The following PXDNL variants were observed in gnomAD, a reference collection of about 807,000 sequenced individuals.
PXDNL encodes peroxidasin like.
A neutral mutation model predicts 150.8 loss-of-function variants in PXDNL; 145 were observed. The ratio of observed to expected loss-of-function variants is 0.96; its 90% CI spans 0.84 to 1.10. PXDNL has a LOEUF of 1.10. Ranked by LOEUF, PXDNL falls within the 50% of genes least tolerant of loss-of-function variation. The pLI is 0.00. For missense variants in PXDNL, 2,087 were observed against 1,873.9 expected (o/e 1.11, Z -2.10); for synonymous variants, 757 against 725.7 (o/e 1.04, Z -0.69).
At chr8:51,687,805 G>A (rs1815909267) in intron 1 of PXDNL, among the ~76,000 whole-genome samples, 1 of 152,216 alleles carries the variant, frequency 6.6e-6, no homozygotes, top group Non-Finnish European at 1.5e-5. Flanking sequence ...TTCCATGGGA[G>A]TGGAGGGAAA....
At chr8:51,396,681 G>A (rs934668117) in intron 17 of PXDNL, among the ~76,000 whole-genome samples, 3 of 152,142 alleles carry the variant, frequency 2.0e-5, no homozygotes, top group South Asian at 2.1e-4. Context: ...ACGCTTGAAC[G>A]TGGGAGGCAA....
chr8:51,652,407 ACTGT>A (rs1815059083), intron 2 of PXDNL, among the ~76,000 whole-genome samples: 1 of 126,758 alleles, frequency 7.9e-6, no homozygotes, highest in Admixed American at 7.9e-5. Flanking sequence ...TCTCTCTCTT[ACTGT>A]CTGTCTCTCT....
intron 8 of PXDNL, among the ~76,000 whole-genome samples, chr8:51,460,535 C>T (rs1810052063): frequency 6.8e-6 from 1 of 147,864 alleles, no homozygotes; most frequent in Non-Finnish European, 1.5e-5. Context: ...AGGGAAAACA[C>T]TGAGAGTTGC....
At chr8:51,778,243 GCACC>G (rs1300167596) in intron 1 of PXDNL, among the ~76,000 whole-genome samples, 2 of 150,766 alleles carry the variant, frequency 1.3e-5, no homozygotes, top group Non-Finnish European at 2.9e-5. Flanking sequence ...CGCGCCACTT[GCACC>G]CCAGCCTGGG....
At chr8:51,501,210 G>A (rs1387153530) in intron 4 of PXDNL, among the ~76,000 whole-genome samples, 1 of 152,074 alleles carries the variant, frequency 6.6e-6, no homozygotes, top group East Asian at 1.9e-4. Flanking sequence ...TATAAGACCT[G>A]GCAATAATTG....
intron 2 of PXDNL, among the ~76,000 whole-genome samples, chr8:51,651,312 G>A (rs899831617): frequency 2.6e-5 from 4 of 152,104 alleles, no homozygotes; most frequent in Non-Finnish European, 5.9e-5. Flanking sequence ...ACGTGAATGT[G>A]GCAAAATGTT....
chr8:51,431,547 C>G (rs1809248213), intron 12 of PXDNL, among the ~76,000 whole-genome samples: 1 of 152,174 alleles, frequency 6.6e-6, no homozygotes, highest in Non-Finnish European at 1.5e-5. Flanking sequence ...ATTTGATTCT[C>G]TCCTTCTGGG....
chr8:51,615,665 T>C (rs1448211420), intron 2 of PXDNL, among the ~76,000 whole-genome samples: 1 of 152,188 alleles, frequency 6.6e-6, no homozygotes, highest in Non-Finnish European at 1.5e-5. Context: ...AAAGCTTCAA[T>C]CACTGGCAGG....
chr8:51,792,130 CT>C (rs1414899732), intron 1 of PXDNL, among the ~76,000 whole-genome samples: 1 of 151,968 alleles, frequency 6.6e-6, no homozygotes, highest in African/African-American at 2.4e-5. Context: ...TGAAATCTTC[CT>C]TGAGGGGCCA....
chr8:51,528,599 A>G (rs1811815164), intron 4 of PXDNL, among the ~76,000 whole-genome samples: 1 of 152,170 alleles, frequency 6.6e-6, no homozygotes, highest in Non-Finnish European at 1.5e-5. Context: ...TTGAAATGAG[A>G]GATTATCTTG....
intron 21 of PXDNL, among the ~76,000 whole-genome samples, chr8:51,324,532 C>A (rs1356529453): frequency 6.6e-6 from 1 of 152,196 alleles, no homozygotes; most frequent in Non-Finnish European, 1.5e-5. Context: ...TCCCTTCTCT[C>A]TTCTTTCTAT....
intron 19 of PXDNL, among the ~76,000 whole-genome samples, chr8:51,350,572 C>A (rs1806319671): frequency 6.6e-6 from 1 of 151,930 alleles, no homozygotes; most frequent in Non-Finnish European, 1.5e-5. Flanking sequence ...CCAAGCTGTT[C>A]TCGAGCTCCT....
intron 19 of PXDNL, among the ~76,000 whole-genome samples, chr8:51,359,536 C>T (rs1013963810): frequency 6.8e-6 from 1 of 146,464 alleles, no homozygotes; most frequent in African/African-American, 2.5e-5. Flanking sequence ...AGACCTAATG[C>T]TCAAATAAAG....
intron 1 of PXDNL, among the ~76,000 whole-genome samples, chr8:51,694,114 A>G (rs1023075781): frequency 6.6e-6 from 1 of 152,092 alleles, no homozygotes; most frequent in Non-Finnish European, 1.5e-5. Context: ...ATGCTTCACC[A>G]TGGGAGGCCG....
intron 1 of PXDNL, among the ~76,000 whole-genome samples, chr8:51,796,432 C>T (rs2037561375): frequency 6.7e-6 from 1 of 149,300 alleles, no homozygotes; most frequent in Non-Finnish European, 1.5e-5. Flanking sequence ...ACTAGCTAGA[C>T]TAATAAAGAA....
At chr8:51,470,902 T>C (rs1050323671) in intron 8 of PXDNL, among the ~76,000 whole-genome samples, 2 of 151,874 alleles carry the variant, frequency 1.3e-5, no homozygotes, top group Admixed American at 1.3e-4. Context: ...AGCTAGGTAA[T>C]ACCATTCAGG....
At position 51,704,897 on chromosome 8, in the gene PXDNL, T is replaced by C. The variant is rs117048832; in HGVS notation, c.165-50137A>G. 5.6e-4 allele frequency among the ~76,000 whole-genome samples: 86 copies of C among 152,330 alleles called. No individual in the cohort carries two copies. In the East Asian group the frequency reaches 7.5e-3, roughly 13 times the overall value. ...ATTAGTCTGATGTATGTAATATATA[T>C]ACATTTTCTTTATTGGACCTTAGTA... On this transcript the variant is annotated intron_variant, in intron 1 of 22. Transcript: ENST00000356297.
chr8:51,718,028 G>A (rs898266091), intron 1 of PXDNL, among the ~76,000 whole-genome samples: 1 of 151,900 alleles, frequency 6.6e-6, no homozygotes, highest in Admixed American at 6.6e-5. Context: ...ACTACAACTT[G>A]TGCTAAATTC....
intron 1 of PXDNL, among the ~76,000 whole-genome samples, chr8:51,781,705 G>C (rs1345720124): frequency 6.6e-6 from 1 of 152,198 alleles, no homozygotes; most frequent in Non-Finnish European, 1.5e-5. Flanking sequence ...TACCACAGGG[G>C]AGAAACAGGG....
Sources: allele counts gnomAD v4.1 joint callset (sites outside exome capture counted in the v4.1 genomes callset), GRCh38; gene constraint gnomAD v4.1.1; transcripts MANE v1.5; gene names NCBI Gene and HGNC (gene_info 2026-07-23, HGNC 2026-07-21).